The following UGT1A9 variants were observed in gnomAD, a reference collection of about 807,000 sequenced individuals.
UGT1A9 encodes UDP-glucuronosyltransferase 1A9.
UGT1A9 carries 35 observed loss-of-function variants against 45.0 expected under a neutral mutation model. The observed-to-expected ratio is 0.78, with a 90% CI of 0.59 to 1.03. UGT1A9 has a LOEUF of 1.03. Ranked by LOEUF, UGT1A9 falls within the 50% of genes least tolerant of loss-of-function variation. The pLI is 0.00. For missense variants in UGT1A9, 687 were observed against 666.6 expected (o/e 1.03, Z -0.34); for synonymous variants, 278 against 250.6 (o/e 1.11, Z -1.03).
At chr2:233,767,287 C>A in intron 2 of UGT1A9, 122 bp downstream of exon 2, 1 of 1,567,668 alleles carries the variant, frequency 6.4e-7, no homozygotes, top group East Asian at 2.3e-5. Flanking sequence ...CTGCCACTTC[C>A]CAACTATTAA....
At chr2:233,716,588 CA>C (rs1029080788) in intron 1 of UGT1A9, among the ~76,000 whole-genome samples, 5 of 152,142 alleles carry the variant, frequency 3.3e-5, no homozygotes. Flanking sequence ...TTTCAAAGAG[CA>C]AAAATTTTAG....
chr2:233,772,220 C>T (rs1700484860), intron 4 of UGT1A9, 42 bp from the exon 5 acceptor site: 1 of 1,612,710 alleles, frequency 6.2e-7, no homozygotes, highest in Non-Finnish European at 8.5e-7. Flanking sequence ...ATTGTTCATA[C>T]CACAGGTGTT....
intron 1 of UGT1A9, among the ~76,000 whole-genome samples, chr2:233,677,510 T>C (rs2074392610): frequency 6.6e-6 from 1 of 152,186 alleles, no homozygotes; most frequent in East Asian, 1.9e-4. Context: ...TATTATATCC[T>C]GTATTATGAC....
At chr2:233,718,634 G>A in intron 1 of UGT1A9, 1 of 1,457,400 alleles carries the variant, frequency 6.9e-7, no homozygotes, top group Non-Finnish European at 9.2e-7. Context: ...GTCTTTCCCA[G>A]GGTTGGGCCC....
At chr2:233,704,656 C>A (rs1490809215) in intron 1 of UGT1A9, among the ~76,000 whole-genome samples, 3 of 151,996 alleles carry the variant, frequency 2.0e-5, no homozygotes, top group Non-Finnish European at 2.9e-5. Flanking sequence ...ATTTTTGGTT[C>A]TTTTCCTTTG....
intron 1 of UGT1A9, among the ~76,000 whole-genome samples, chr2:233,696,651 C>T (rs2075353274): frequency 6.6e-6 from 1 of 152,116 alleles, no homozygotes. Flanking sequence ...GATAGGACTT[C>T]CAGTACTATG....
rs199541495 is a variant in UGT1A9 at position 233,713,270 on chromosome 2, G to A, written c.855+40481G>A. ...CCCAGGACGAATTTGATCGCCTTTT[G>A]CTGGGTCACACTCAATCGTTCTTTG... On this transcript the variant is annotated intron_variant, in intron 1 of 4. Coordinates refer to ENST00000354728, the MANE Select transcript of UGT1A9 (RefSeq NM_021027.3). 2.5e-6 allele frequency: 4 copies of A among 1,614,126 alleles called. No homozygotes were observed. In the African/African-American group the frequency reaches 5.3e-5, roughly 22 times the overall value.
In UGT1A9 at chr2:233,744,645, G is replaced by A. The variant is rs1382975794; in HGVS notation, c.856-22389G>A. 2.0e-5 allele frequency among the ~76,000 whole-genome samples: 3 copies of A among 151,982 alleles called. No homozygotes were observed. In the East Asian group the frequency reaches 5.8e-4, roughly 29 times the overall value. Reference sequence around the variant, plus strand: ...GAGGTGGATTCTCATGTCAGCTTCTGTATTCAATCTACTGTGATATTACAC... The same window carrying A: ...GAGGTGGATTCTCATGTCAGCTTCTATATTCAATCTACTGTGATATTACAC... On this transcript the variant is annotated intron_variant, in intron 1 of 4. Coordinates refer to ENST00000354728, the MANE Select transcript of UGT1A9 (RefSeq NM_021027.3).
At chr2:233,727,715 G>T (rs2125728496) in intron 1 of UGT1A9, among the ~76,000 whole-genome samples, 1 of 152,312 alleles carries the variant, frequency 6.6e-6, no homozygotes, top group African/African-American at 2.4e-5. Context: ...CAAAGCCCTT[G>T]CAGACCTTCC....
In UGT1A9 at chr2:233,686,112, AC is replaced by A. The variant is rs965881190; in HGVS notation, c.855+13326del. ...TCCAAGTCCAAGAGAATGAAGTTGC[AC>A]CCTTACCTTGTATCATATATAAAAA... On this transcript the variant is annotated intron_variant, in intron 1 of 4. Coordinates refer to ENST00000354728, the MANE Select transcript of UGT1A9 (RefSeq NM_021027.3). 7.0e-4 allele frequency among the ~76,000 whole-genome samples: 107 copies of A among 152,284 alleles called. 1 individual carries two copies. The highest frequency in any genetic ancestry group is 2.3e-3 in the African/African-American group (96 of 41,562).
intron 1 of UGT1A9, among the ~76,000 whole-genome samples, chr2:233,737,465 G>A (rs1434915889): frequency 6.6e-6 from 1 of 152,178 alleles, no homozygotes; most frequent in African/African-American, 2.4e-5. Context: ...AGTCTGTCAT[G>A]GCTCCCCTTG....
intron 1 of UGT1A9, chr2:233,691,404 T>C: frequency 1.0e-6 from 1 of 985,574 alleles, no homozygotes; most frequent in Non-Finnish European, 1.2e-6. Context: ...AGCCCTGTCC[T>C]TGGAGTGGCC....
intron 1 of UGT1A9, chr2:233,713,618 A>G (rs768642808): frequency 1.2e-6 from 2 of 1,613,968 alleles, no homozygotes; most frequent in Admixed American, 1.7e-5. Flanking sequence ...CATTCCTGCA[A>G]AGGGTCAAGA....
intron 1 of UGT1A9, chr2:233,713,464 C>G (rs12475068): frequency 0.098 from 158,292 of 1,613,912 alleles, 8,805 homozygotes; most frequent in South Asian, 0.2. Flanking sequence ...CACCTCTGCG[C>G]GGCGGTGCTG....
intron 1 of UGT1A9, among the ~76,000 whole-genome samples, chr2:233,718,520 C>T (rs1396041935): frequency 2.0e-5 from 3 of 152,154 alleles, no homozygotes; most frequent in Non-Finnish European, 2.9e-5. Context: ...AAATGGGTGT[C>T]CACAGCCTTG....
intron 1 of UGT1A9, chr2:233,692,868 A>G: frequency 2.7e-6 from 4 of 1,483,334 alleles, no homozygotes; most frequent in Non-Finnish European, 3.6e-6. Flanking sequence ...TACATATCAA[A>G]GGGTAAAATT....
intron 1 of UGT1A9, among the ~76,000 whole-genome samples, chr2:233,724,264 C>A (rs1250827727): frequency 1.7e-5 from 2 of 116,566 alleles, no homozygotes; most frequent in East Asian, 2.8e-4. Flanking sequence ...ACCTCCCGGA[C>A]GGGGCGGCTG....
chr2:233,764,840 A>T (rs903559567), intron 1 of UGT1A9, among the ~76,000 whole-genome samples: 2 of 151,474 alleles, frequency 1.3e-5, no homozygotes, highest in African/African-American at 4.9e-5. Flanking sequence ...GGGGAGGATG[A>T]CTCTGTCCTC....
chr2:233,701,684 A>T (rs1575471996), intron 1 of UGT1A9, among the ~76,000 whole-genome samples: 1 of 152,382 alleles, frequency 6.6e-6, no homozygotes, highest in East Asian at 1.9e-4. Context: ...CTCAGAATTA[A>T]GAAAATCACT....
Sources: allele counts gnomAD v4.1 joint callset (sites outside exome capture counted in the v4.1 genomes callset), GRCh38; gene constraint gnomAD v4.1.1; transcripts MANE v1.5; gene names NCBI Gene and HGNC (gene_info 2026-07-23, HGNC 2026-07-21).